Variants in PHKB observed in about 807,000 individuals in gnomAD.
PHKB encodes the protein phosphorylase kinase regulatory subunit beta.
In PHKB, 122 loss-of-function variants were observed where a neutral mutation model predicts 152.1. The observed-to-expected ratio is 0.80, with a 90% CI of 0.69 to 0.93. The LOEUF is 0.93. PHKB is among the 40% of genes least tolerant of loss of function. The pLI, the probability that PHKB is intolerant of heterozygous loss-of-function variation, is 0.00. For missense variants in PHKB, 1,304 were observed against 1,328.4 expected (o/e 0.98, Z 0.29); for synonymous variants, 436 against 464.9 (o/e 0.94, Z 0.80).
chr16:47,465,509 G>C (rs1404908919), intron 1 of PHKB, among the ~76,000 whole-genome samples: 1 of 152,104 alleles, frequency 6.6e-6, no homozygotes, highest in Non-Finnish European at 1.5e-5. Context: ...AAACAGACTA[G>C]AAAAATATCA....
intron 26 of PHKB, among the ~76,000 whole-genome samples, chr16:47,682,757 T>C (rs1408906097): frequency 1.3e-5 from 2 of 152,246 alleles, no homozygotes; most frequent in Non-Finnish European, 2.9e-5. Context: ...CCTTCTTCTC[T>C]CACCTCATCA....
At chr16:47,565,076 G>A (rs1971542500) in intron 7 of PHKB, 2 of 464,552 alleles carry the variant, frequency 4.3e-6, no homozygotes, top group East Asian at 5.5e-5. Flanking sequence ...ACAGGATGTT[G>A]AGGTCTATTT....
chr16:47,671,544 G>A (rs1256766850), intron 26 of PHKB, among the ~76,000 whole-genome samples: 6 of 151,944 alleles, frequency 3.9e-5, no homozygotes, highest in Non-Finnish European at 7.4e-5. Flanking sequence ...GTTGGGTTGA[G>A]CTCCTTTTCA....
At chr16:47,677,747 A>G (rs548365712) in intron 26 of PHKB, among the ~76,000 whole-genome samples, 45 of 152,026 alleles carry the variant, frequency 3.0e-4, no homozygotes, top group Non-Finnish European at 5.7e-4. Flanking sequence ...AATATGGCTT[A>G]GTTAAATGCA....
rs775293082 is a variant in PHKB, at chr16:47,503,090, G to C, written c.405G>C (p.Lys135Asn). Residue 135 changes from lysine to asparagine, a missense_variant and splice_region_variant, in exon 4 of 31, where the codon AAG (lysine) becomes AAC (asparagine). By Grantham distance (94) the Lys-to-Asn change is moderately conservative. Coordinates refer to ENST00000323584, the MANE Select transcript of PHKB (RefSeq NM_000293.3). ...ILYCYMRQAD[K>N]VQQFKQDPRP... ...ACTGCTATATGCGTCAGGCCGATAAGGTAAAACATTGTGGTGTGGACGGGA... is the reference window on the plus strand; with the variant it reads ...ACTGCTATATGCGTCAGGCCGATAACGTAAAACATTGTGGTGTGGACGGGA... 8.3e-6 allele frequency: 13 copies of C among 1,575,546 alleles called. No individual in the cohort carries two copies. The highest frequency in any genetic ancestry group is 1.1e-5 in the South Asian group (1 of 90,228).
intron 20 of PHKB, among the ~76,000 whole-genome samples, chr16:47,652,256 G>A (rs1282249423): frequency 6.6e-6 from 1 of 151,570 alleles, no homozygotes; most frequent in African/African-American, 2.4e-5. Context: ...GATTCAGGGG[G>A]ATACATATAC....
intron 13 of PHKB, among the ~76,000 whole-genome samples, chr16:47,604,833 C>G (rs1017511316): frequency 1.3e-5 from 2 of 152,060 alleles, no homozygotes; most frequent in Non-Finnish European, 2.9e-5. Flanking sequence ...AGACAGATAT[C>G]TCCATTTTGT....
intron 16 of PHKB, among the ~76,000 whole-genome samples, chr16:47,646,612 T>G (rs1434509096): frequency 8.6e-6 from 1 of 116,190 alleles, no homozygotes; most frequent in Non-Finnish European, 1.9e-5. Flanking sequence ...ATACAAAGAG[T>G]CATTAAATAT....
At chr16:47,495,431 T>A (rs1217621098) in intron 1 of PHKB, among the ~76,000 whole-genome samples, 1 of 152,196 alleles carries the variant, frequency 6.6e-6, no homozygotes, top group Non-Finnish European at 1.5e-5. Flanking sequence ...TACTCAGCTC[T>A]TGGTGATTTA....
intron 1 of PHKB, among the ~76,000 whole-genome samples, chr16:47,483,034 C>CTTTTTT (rs35429055): frequency 4.4e-5 from 4 of 91,852 alleles, no homozygotes; most frequent in Non-Finnish European, 8.4e-5. Flanking sequence ...TAAATAATTT[C>CTTTTTT]TTTTTTTTTT....
At chr16:47,571,396 A>G (rs1285847280) in intron 7 of PHKB, among the ~76,000 whole-genome samples, 1 of 152,154 alleles carries the variant, frequency 6.6e-6, no homozygotes, top group Non-Finnish European at 1.5e-5. Context: ...AGTGAAATGC[A>G]CTGAGGTCTT....
At chr16:47,685,276 T>G (rs1219012141) in intron 26 of PHKB, among the ~76,000 whole-genome samples, 1 of 152,136 alleles carries the variant, frequency 6.6e-6, no homozygotes, top group African/African-American at 2.4e-5. Context: ...AATACAAAAA[T>G]TAGCTGGGTG....
intron 26 of PHKB, chr16:47,676,044 T>C: frequency 6.6e-6 from 1 of 152,218 alleles, no homozygotes; most frequent in East Asian, 1.9e-4. Flanking sequence ...ATGGGCCCCT[T>C]GCATATTTGT....
At chr16:47,559,519 T>C (rs965099469) in intron 7 of PHKB, among the ~76,000 whole-genome samples, 2 of 152,206 alleles carry the variant, frequency 1.3e-5, no homozygotes, top group Non-Finnish European at 2.9e-5. Context: ...GTGTTTGTCA[T>C]CATTGTGACT....
chr16:47,697,707 T>A (rs187370759), intron 29 of PHKB, among the ~76,000 whole-genome samples: 1 of 152,284 alleles, frequency 6.6e-6, no homozygotes, highest in Non-Finnish European at 1.5e-5. Flanking sequence ...AGTGTACAAA[T>A]TAGGAGCCAT....
intron 27 of PHKB, among the ~76,000 whole-genome samples, chr16:47,691,639 A>G (rs371890479): frequency 1.4e-4 from 22 of 151,808 alleles, no homozygotes; most frequent in East Asian, 9.8e-4. Flanking sequence ...CAGTAAGCTG[A>G]GGCTGCAGAG....
At chr16:47,551,653 A>G (rs1052751132) in intron 7 of PHKB, among the ~76,000 whole-genome samples, 2 of 152,178 alleles carry the variant, frequency 1.3e-5, no homozygotes, top group African/African-American at 4.8e-5. Context: ...CAATTTTAGA[A>G]TAAGTGCGAT....
chr16:47,626,829 G>A (rs1369678573), intron 14 of PHKB, among the ~76,000 whole-genome samples: 2 of 152,192 alleles, frequency 1.3e-5, no homozygotes, highest in Admixed American at 6.5e-5. Flanking sequence ...TGGCTGAAAT[G>A]GAGTCCTGCC....
At chr16:47,582,788 C>CTTCT (rs762024594) in intron 8 of PHKB, among the ~76,000 whole-genome samples, 50 of 152,070 alleles carry the variant, frequency 3.3e-4, no homozygotes, top group South Asian at 1.9e-3. Flanking sequence ...CAGATAATGT[C>CTTCT]TTCTTTCTTT....
Sources: gnomAD v4.1 joint callset for allele counts (sites outside exome capture counted in the v4.1 genomes callset) on GRCh38, gnomAD v4.1.1 for gene constraint, MANE v1.5 for transcripts, NCBI Gene and HGNC (gene_info 2026-07-23, HGNC 2026-07-21) for gene names.